DNAH5: variants seen among roughly 807,000 people sequenced by gnomAD.
DNAH5 encodes the protein axonemal beta dynein heavy chain 5.
In DNAH5, 372 loss-of-function variants were observed where a neutral mutation model predicts 518.2. The observed-to-expected ratio is 0.72, with a 90% confidence interval of 0.66 to 0.78. The LOEUF (loss-of-function observed/expected upper bound fraction) is 0.78. Ranked by LOEUF, DNAH5 falls within the 30% of genes least tolerant of loss-of-function variation. DNAH5 has a pLI of 0.00. For missense variants in DNAH5, 5,523 were observed against 5,687.0 expected, an observed-to-expected ratio of 0.97 and a Z score of 0.93; for synonymous variants, 2,039 against 2,025.9, an observed-to-expected ratio of 1.01 and a Z score of -0.17.
intron 68 of DNAH5, among the ~76,000 whole-genome samples, 156 bp downstream of exon 68, chr5:13,734,975 T>C (rs566436386): frequency 5.9e-5 from 9 of 152,272 alleles, no homozygotes; most frequent in African/African-American, 2.2e-4. Context: ...CAATAGATAG[T>C]TATCACTCAA....
chr5:13,856,436 G>T (rs375582474), intron 30 of DNAH5, among the ~76,000 whole-genome samples: 1 of 151,906 alleles, frequency 6.6e-6, no homozygotes, highest in Non-Finnish European at 1.5e-5. Context: ...TCTACCAGAG[G>T]TTCAAAGAGC....
At chr5:13,827,649 C>T (rs543914258) in intron 38 of DNAH5, among the ~76,000 whole-genome samples, 5 of 151,372 alleles carry the variant, frequency 3.3e-5, no homozygotes, top group East Asian at 3.9e-4. Flanking sequence ...TGGAAGGGCA[C>T]GACTGTATTA....
At chr5:13,752,715 T>G (rs2126697563) in intron 63 of DNAH5, among the ~76,000 whole-genome samples, 1 of 152,326 alleles carries the variant, frequency 6.6e-6, no homozygotes, top group Admixed American at 6.5e-5. Context: ...ATAAGGGGCA[T>G]TCAACTTTCA....
At chr5:13,833,207 G>T (rs1015367819) in intron 35 of DNAH5, among the ~76,000 whole-genome samples, 1 of 151,102 alleles carries the variant, frequency 6.6e-6, no homozygotes, top group Admixed American at 6.6e-5. Context: ...TTGGGAGGCC[G>T]AGGCGGATGG....
At position 13,920,253 on chromosome 5, in the gene DNAH5, G is replaced by A. The variant is rs11745217; in HGVS notation, c.798+227C>T. The stretch of plus-strand genomic sequence containing the variant: ...AGAAAAGAAACTGGCAAAGTGCAGC[G>A]TTTGAGTGATATAAGTATATGCAGC... On this transcript the variant is annotated intron_variant, in intron 6 of 78. Transcript: ENST00000265104. 0.43 allele frequency among the ~76,000 whole-genome samples: 64,880 copies of A among 152,018 alleles called. 14,513 individuals carry two copies. The highest frequency in any genetic ancestry group is 0.85 in the East Asian group (4,394 of 5,170).
chr5:13,826,720 G>T (rs559021030), intron 38 of DNAH5, among the ~76,000 whole-genome samples: 2 of 152,138 alleles, frequency 1.3e-5, no homozygotes, highest in South Asian at 2.1e-4. Flanking sequence ...TTAGCAACAG[G>T]AGAACAGACT....
At chr5:13,771,021 A>T (rs766573090) in intron 55 of DNAH5, 41 bp from the exon 56 acceptor site, 5 of 1,489,102 alleles carry the variant, frequency 3.4e-6, no homozygotes, top group Non-Finnish European at 3.7e-6. Context: ...ATATGTATGT[A>T]AGTTACCCTT....
chr5:13,850,616 G>A (rs1335877087), intron 31 of DNAH5, 36 bp downstream of exon 31: 1 of 1,597,768 alleles, frequency 6.3e-7, no homozygotes, highest in East Asian at 2.2e-5. Context: ...TTTGTCTCAA[G>A]GATACCGAGA....
At chr5:13,980,965 C>G (rs761678072) in intron 1 of DNAH5, among the ~76,000 whole-genome samples, 3 of 152,226 alleles carry the variant, frequency 2.0e-5, no homozygotes, top group South Asian at 2.1e-4. Context: ...CTCTCAAGTC[C>G]TTCAGGTCCC....
chr5:13,853,438 A>G (rs895586372), intron 30 of DNAH5, among the ~76,000 whole-genome samples: 2 of 152,180 alleles, frequency 1.3e-5, no homozygotes, highest in Non-Finnish European at 2.9e-5. Context: ...AAGACTGAAA[A>G]TTCCAAAAAC....
intron 1 of DNAH5, among the ~76,000 whole-genome samples, chr5:13,952,805 C>G (rs905775257): frequency 1.3e-5 from 2 of 152,106 alleles, no homozygotes; most frequent in African/African-American, 4.8e-5. Flanking sequence ...TTTAAAGAGA[C>G]GGGGTCTCAC....
At chr5:13,845,691 T>G (rs1765889288) in intron 31 of DNAH5, among the ~76,000 whole-genome samples, 1 of 152,208 alleles carries the variant, frequency 6.6e-6, no homozygotes, top group Non-Finnish European at 1.5e-5. Context: ...CTATCTTCAT[T>G]TTCTAGCATA....
At position 13,735,939 on chromosome 5, in the gene DNAH5, G is replaced by A; in HGVS notation, c.11456-7C>T. 1 of 1,608,644 alleles carries A rather than the reference G, an allele frequency of 6.2e-7. No homozygotes were observed. The highest frequency in any genetic ancestry group is 1.1e-5 in the South Asian group (1 of 90,964). On this transcript the variant is annotated splice_polypyrimidine_tract_variant and splice_region_variant and intron_variant, in intron 66 of 78. Coordinates refer to ENST00000265104, the MANE Select transcript of DNAH5 (RefSeq NM_001369.3). ...ATGCTGCCCCGCGTAGCCACTGGAAGACAAAGAGCAAGGTTGCATGTGCTA... is the reference window on the plus strand; with the variant it reads ...ATGCTGCCCCGCGTAGCCACTGGAAAACAAAGAGCAAGGTTGCATGTGCTA...
chr5:13,708,159 G>T lies in DNAH5; in HGVS notation c.13302C>A (p.Cys4434Ter). Residue 4434 changes from cysteine to a stop codon, truncating the protein, a stop_gained, in exon 76 of 79, where the codon TGC becomes TGA. Coordinates refer to ENST00000265104, the MANE Select transcript of DNAH5 (RefSeq NM_001369.3). LOFTEE classifies it high-confidence loss of function. Reference sequence around the variant, plus strand: ...AAGCAGGGATTCTAGCATCAAACATGCAATCCAATGCATCTCGCAGATTTT... The same window carrying T: ...AAGCAGGGATTCTAGCATCAAACATTCAATCCAATGCATCTCGCAGATTTT... ...MSENLRDALD[C>*]MFDARIPAWW... The T allele has an allele frequency of 6.2e-7, 1 of 1,614,146 alleles. No individual in the cohort carries two copies. The highest frequency in any genetic ancestry group is 8.5e-7 in the Non-Finnish European group (1 of 1,180,002).
chr5:13,954,611 G>A (rs1780642040), intron 1 of DNAH5, among the ~76,000 whole-genome samples: 1 of 152,224 alleles, frequency 6.6e-6, no homozygotes, highest in Admixed American at 6.5e-5. Context: ...TTCCGAAAGT[G>A]AGCGAGAGCA....
intron 31 of DNAH5, among the ~76,000 whole-genome samples, chr5:13,847,554 T>C (rs1483303553): frequency 1.0e-5 from 1 of 100,086 alleles, no homozygotes; most frequent in African/African-American, 4.0e-5. Context: ...ACCTCGTCTC[T>C]ACTAAAAAAA....
intron 65 of DNAH5, 122 bp downstream of exon 65, chr5:13,750,956 A>C: frequency 8.7e-7 from 1 of 1,143,176 alleles, no homozygotes; most frequent in Non-Finnish European, 1.3e-6. Flanking sequence ...GATTAATGGA[A>C]AAAAACACAG....
At chr5:13,908,935 A>C (rs1433961657) in intron 12 of DNAH5, among the ~76,000 whole-genome samples, 1 of 152,186 alleles carries the variant, frequency 6.6e-6, no homozygotes, top group Non-Finnish European at 1.5e-5. Flanking sequence ...CAGTTTTATA[A>C]AGATGAGGGC....
In DNAH5 at chr5:13,862,635, T is replaced by A; in HGVS notation, c.4709A>T (p.Glu1570Val). 6.2e-7 allele frequency: 1 copy of A among 1,613,928 alleles called. No homozygotes were observed. Among genetic ancestry groups the A allele is most frequent in the Non-Finnish European group, 8.5e-7 (1 of 1,179,916 alleles). Residue 1570 changes from glutamate (E) to valine (V), a missense_variant, in exon 29 of 79, where the codon GAG becomes GTG. Glu to Val is a moderately radical substitution (Grantham distance 121). Coordinates refer to ENST00000265104, the MANE Select transcript of DNAH5 (RefSeq NM_001369.3). The stretch of plus-strand genomic sequence containing the variant: ...GGTACTGTCTCCTCTCAAGAGGAGC[T>A]CTCCACGGGTTTTAAAGCTGCCGAA... ...FTFGSFKTRGELLLRGDSTSE... is the reference protein window; with the variant it reads ...FTFGSFKTRGVLLLRGDSTSE...
Sources: gnomAD v4.1 joint callset for allele counts (sites outside exome capture counted in the v4.1 genomes callset) on GRCh38, gnomAD v4.1.1 for gene constraint, MANE v1.5 for transcripts, NCBI Gene and HGNC (gene_info 2026-07-23, HGNC 2026-07-21) for gene names.